Variants in SUGCT observed in about 807,000 individuals in gnomAD.
SUGCT encodes succinyl-CoA:glutarate-CoA transferase.
SUGCT carries 41 observed loss-of-function variants against 55.0 expected under a neutral mutation model. The observed-to-expected ratio is 0.74, with a 90% CI of 0.58 to 0.97. SUGCT has a LOEUF of 0.97. Ranked by LOEUF, SUGCT falls within the 50% of genes least tolerant of loss-of-function variation. SUGCT has a pLI of 0.00. For missense variants in SUGCT, 568 were observed against 547.8 expected, an observed-to-expected ratio of 1.04 and a Z score of -0.37; for synonymous variants, 187 against 200.4, an observed-to-expected ratio of 0.93 and a Z score of 0.56.
intron 12 of SUGCT, among the ~76,000 whole-genome samples, chr7:40,640,719 A>G (rs1336847380): frequency 6.6e-6 from 1 of 152,220 alleles, no homozygotes; most frequent in Non-Finnish European, 1.5e-5. Flanking sequence ...ATCAAGTAGT[A>G]CCGAAACTGT....
intron 12 of SUGCT, among the ~76,000 whole-genome samples, chr7:40,595,667 T>G (rs1187865516): frequency 6.6e-6 from 1 of 152,048 alleles, no homozygotes; most frequent in Non-Finnish European, 1.5e-5. Flanking sequence ...TACGGTAAAT[T>G]TTTAGGAACT....
At chr7:40,910,127 T>C in the SUGCT span, among the ~76,000 whole-genome samples, 3 of 151,772 alleles carry the variant, frequency 2.0e-5, no homozygotes, top group African/African-American at 7.3e-5. Context: ...GTTTTCAACA[T>C]GGAAAGTGCT....
chr7:40,310,986 A>C (rs1475638731), intron 8 of SUGCT, among the ~76,000 whole-genome samples: 1 of 152,182 alleles, frequency 6.6e-6, no homozygotes, highest in Non-Finnish European at 1.5e-5. Context: ...GTCCTGCCTA[A>C]TTGATTATAT....
the SUGCT span, among the ~76,000 whole-genome samples, chr7:40,873,193 A>G: frequency 2.0e-5 from 3 of 152,354 alleles, no homozygotes; most frequent in South Asian, 4.1e-4. Context: ...TGTTCTAACA[A>G]GGTTAAAATG....
chr7:40,176,975 A>T (rs1784957600), intron 1 of SUGCT, among the ~76,000 whole-genome samples: 1 of 151,976 alleles, frequency 6.6e-6, no homozygotes, highest in African/African-American at 2.4e-5. Context: ...AAAAAAAAAA[A>T]AAAAAGACTA....
At position 40,237,615 on chromosome 7, in the gene SUGCT, G is replaced by A. The variant is rs779341008; in HGVS notation, c.485-20G>A. On this transcript the variant is annotated intron_variant, in intron 6 of 13. Transcript: ENST00000335693. ...GCACACCCTGTGTGGTGCTGAATAT[G>A]TTTATTTTTGTTGTTTTAGGGTATG... is the stretch of plus-strand genomic sequence containing the variant. The A allele has an allele frequency of 6.2e-7, 1 of 1,604,150 alleles. No individual in the cohort carries two copies. The highest frequency in any genetic ancestry group is 8.5e-7 in the Non-Finnish European group (1 of 1,171,032).
chr7:40,914,166 T>C, the SUGCT span, among the ~76,000 whole-genome samples: 1 of 151,946 alleles, frequency 6.6e-6, no homozygotes, highest in Non-Finnish European at 1.5e-5. Flanking sequence ...GTCCCTAATG[T>C]CTGGAAAGGG....
At chr7:40,604,454 G>A (rs1417862501) in intron 12 of SUGCT, among the ~76,000 whole-genome samples, 2 of 152,062 alleles carry the variant, frequency 1.3e-5, no homozygotes, top group East Asian at 3.9e-4. Context: ...TCATGTTTTC[G>A]CTCCTCTTCT....
chr7:40,868,820 T>C, the SUGCT span, among the ~76,000 whole-genome samples: 3 of 152,194 alleles, frequency 2.0e-5, no homozygotes, highest in African/African-American at 7.2e-5. Flanking sequence ...AGTGCTCGGA[T>C]TACAGGTGTG....
At chr7:40,871,636 G>A in the SUGCT span, among the ~76,000 whole-genome samples, 2 of 152,136 alleles carry the variant, frequency 1.3e-5, no homozygotes, top group Non-Finnish European at 2.9e-5. Flanking sequence ...AACTACCTGA[G>A]TGGTTTCTGC....
At chr7:40,449,260 A>G (rs1789054987) in intron 9 of SUGCT, 27 bp from the exon 10 acceptor site, 6 of 1,498,186 alleles carry the variant, frequency 4.0e-6, no homozygotes, top group Non-Finnish European at 5.6e-6. Flanking sequence ...TATAAATAAT[A>G]TTTACCTGTG....
At chr7:40,601,745 T>C (rs938319354) in intron 12 of SUGCT, among the ~76,000 whole-genome samples, 1 of 152,102 alleles carries the variant, frequency 6.6e-6, no homozygotes, top group Non-Finnish European at 1.5e-5. Flanking sequence ...GGACTTTTTT[T>C]TTTTTTTCTC....
intron 9 of SUGCT, among the ~76,000 whole-genome samples, chr7:40,332,252 A>G (rs1340822199): frequency 6.6e-6 from 1 of 152,180 alleles, no homozygotes; most frequent in African/African-American, 2.4e-5. Context: ...CACTTCCATC[A>G]TAAACAGCCC....
intron 6 of SUGCT, among the ~76,000 whole-genome samples, chr7:40,222,281 T>A (rs1217620134): frequency 6.6e-6 from 1 of 152,246 alleles, no homozygotes; most frequent in Non-Finnish European, 1.5e-5. Flanking sequence ...AAGTAGGCTT[T>A]AAATCCCCGT....
intron 8 of SUGCT, among the ~76,000 whole-genome samples, chr7:40,302,172 C>T (rs1794577069): frequency 6.6e-6 from 1 of 152,182 alleles, no homozygotes; most frequent in African/African-American, 2.4e-5. Flanking sequence ...CACTCCCATC[C>T]TGCTACTGAT....
intron 12 of SUGCT, among the ~76,000 whole-genome samples, chr7:40,735,472 A>T (rs1034920730): frequency 4.6e-5 from 7 of 152,162 alleles, no homozygotes; most frequent in Non-Finnish European, 1.0e-4. Flanking sequence ...GACCAGAGAA[A>T]TCCTGCCAGT....
At chr7:40,503,957 A>G (rs1301186054) in intron 12 of SUGCT, among the ~76,000 whole-genome samples, 2 of 152,200 alleles carry the variant, frequency 1.3e-5, no homozygotes, top group Non-Finnish European at 2.9e-5. Context: ...AGAAAACACT[A>G]AAATTTCCAA....
chr7:40,374,983 C>T (rs190393866), intron 9 of SUGCT, among the ~76,000 whole-genome samples: 2 of 152,146 alleles, frequency 1.3e-5, no homozygotes, highest in Admixed American at 6.5e-5. Flanking sequence ...GTTGGGTGGC[C>T]GACATACAAG....
intron 12 of SUGCT, among the ~76,000 whole-genome samples, chr7:40,606,806 T>G (rs1798555538): frequency 6.6e-6 from 1 of 152,188 alleles, no homozygotes; most frequent in African/African-American, 2.4e-5. Context: ...CTAGATGAAC[T>G]TGATCTATTT....
Sources: allele counts gnomAD v4.1 joint callset (sites outside exome capture counted in the v4.1 genomes callset), GRCh38; gene constraint gnomAD v4.1.1; transcripts MANE v1.5; gene names NCBI Gene and HGNC (gene_info 2026-07-23, HGNC 2026-07-21).